The following NADSYN1 variants were observed in gnomAD, a reference collection of about 807,000 sequenced individuals.
NADSYN1 encodes NAD synthetase 1, also known as glutamine-dependent NAD(+) synthetase.
A neutral mutation model predicts 99.3 loss-of-function variants in NADSYN1; 80 were observed. The ratio of observed to expected loss-of-function variants is 0.81; its 90% CI spans 0.67 to 0.97. The LOEUF is 0.97. Among genes scored for constraint, NADSYN1 ranks in the 50% least tolerant of loss-of-function variants. The pLI is 0.00. For synonymous variants in NADSYN1, 385 were observed against 372.1 expected, an observed-to-expected ratio of 1.03 and a Z score of -0.40; for missense variants, 859 against 948.5, an observed-to-expected ratio of 0.91 and a Z score of 1.24.
intron 16 of NADSYN1, among the ~76,000 whole-genome samples, chr11:71,489,771 C>T (rs1949767239): frequency 6.6e-6 from 1 of 152,196 alleles, no homozygotes; most frequent in Non-Finnish European, 1.5e-5. Context: ...GGTGAGAAGG[C>T]ACGGAGGTGT....
Position 71,458,486 on chromosome 11 carries a change from G to C in NADSYN1, c.205G>C (p.Val69Leu), listed in dbSNP as rs774931657. The C allele has an allele frequency of 6.2e-7, 1 of 1,614,050 alleles. No individual in the cohort carries two copies. The highest frequency in any genetic ancestry group is 8.5e-7 in the Non-Finnish European group (1 of 1,179,936). The stretch of plus-strand genomic sequence containing the variant: ...GGACACCCTCTTGCACTCGTTTCAA[G>C]TCCTAGCGGCCCTTGTGGAGTCTCC... Reference protein sequence around the residue: ...ESDTLLHSFQVLAALVESPVT... With the variant: ...ESDTLLHSFQLLAALVESPVT... Residue 69 changes from valine (V) to leucine (L), a missense_variant, in exon 3 of 21, where the codon GTC (valine) becomes CTC (leucine). By Grantham distance (32) the Val-to-Leu change is conservative (BLOSUM62 1). Coordinates refer to ENST00000319023, the MANE Select transcript of NADSYN1 (RefSeq NM_018161.5).
In NADSYN1 at chr11:71,491,853, AC is replaced by A; in HGVS notation, c.1716del (p.Ala573GlnfsTer21). On this transcript the variant is annotated frameshift_variant, in exon 18 of 21. Coordinates refer to ENST00000319023, the MANE Select transcript of NADSYN1 (RefSeq NM_018161.5). LOFTEE classifies it high-confidence loss of function. The stretch of plus-strand genomic sequence containing the variant: ...CTGCAGCATCCTGTTGGCGCCGGCC[AC>A]CGCAGAGCTGGAGCCCTTGGCTGAT... ...ALQSILLAPA[T>X]AELEPLADGQ... The A allele has an allele frequency of 1.9e-6, 3 of 1,614,018 alleles. No individual in the cohort carries two copies. Among genetic ancestry groups the A allele is most frequent in the Non-Finnish European group, 8.5e-7 (1 of 1,180,004 alleles).
intron 9 of NADSYN1, chr11:71,476,222 A>AC: frequency 2.5e-6 from 1 of 403,918 alleles, no homozygotes; most frequent in Non-Finnish European, 5.0e-6. Context: ...TCGTCTTTGG[A>AC]CCCGACGGCC....
At position 71,497,610 on chromosome 11, in the gene NADSYN1, AG is replaced by A. The variant is rs1172326565; in HGVS notation, c.1893+1del. 6.2e-7 allele frequency: 1 copy of A among 1,613,912 alleles called. No homozygotes were observed. The highest frequency in any genetic ancestry group is 8.5e-7 in the Non-Finnish European group (1 of 1,179,978). On this transcript the variant is annotated frameshift_variant and splice_region_variant, in exon 19 of 21. Transcript: ENST00000319023. LOFTEE classifies it high-confidence loss of function. ...TGGAGACACATCTGCACCCCGAGAC[AG>A]GTAAAGCCTGTGAGACGCATCACAG... is the stretch of plus-strand genomic sequence containing the variant. The part of the protein sequence containing the change: ...GMWRHICTPR[Q>X]VADKVKRFFS...
At chr11:71,472,650 C>G in intron 6 of NADSYN1, 150 bp downstream of exon 6, 1 of 739,768 alleles carries the variant, frequency 1.4e-6, no homozygotes, top group African/African-American at 1.7e-5. Context: ...GAGGCAGGTT[C>G]CTATAGTGAG....
At position 71,464,800 on chromosome 11, in the gene NADSYN1, A is replaced by G. The variant is rs1046307324; in HGVS notation, c.407+658A>G. ...GAGAATGGCATGAACCCAGGAGGCAAGAGCTTGCAGTGAGCCGAGATTGCG... is the reference window on the plus strand; with the variant it reads ...GAGAATGGCATGAACCCAGGAGGCAGGAGCTTGCAGTGAGCCGAGATTGCG... On this transcript the variant is annotated intron_variant, in intron 5 of 20. Transcript: ENST00000319023. Among the ~76,000 whole-genome samples the G allele has an allele frequency of 5.7e-3, 847 of 149,884 alleles. 13 individuals carry two copies. The highest frequency in any genetic ancestry group is 0.02 in the African/African-American group (797 of 40,626).
intron 3 of NADSYN1, 52 bp from the exon 4 acceptor site, chr11:71,463,380 T>C (rs1352428736): frequency 4.6e-6 from 7 of 1,518,034 alleles, no homozygotes; most frequent in Non-Finnish European, 6.4e-6. Context: ...CTCCATGTGC[T>C]CTGTGTTTCA....
At chr11:71,483,397 C>A (rs1591132141) in intron 14 of NADSYN1, among the ~76,000 whole-genome samples, 1 of 152,156 alleles carries the variant, frequency 6.6e-6, no homozygotes, top group Non-Finnish European at 1.5e-5. Context: ...ATTCCCAGTG[C>A]AGGCTGCAGG....
At chr11:71,455,947 G>A (rs924323639) in intron 2 of NADSYN1, among the ~76,000 whole-genome samples, 1 of 152,116 alleles carries the variant, frequency 6.6e-6, no homozygotes, top group Non-Finnish European at 1.5e-5. Flanking sequence ...AAACAAAAAT[G>A]AAAACAAAAC....
rs955520202 is a variant in NADSYN1, at chr11:71,476,798, C to T, written c.799-1597C>T. On this transcript the variant is annotated intron_variant, in intron 9 of 20. Coordinates refer to ENST00000319023, the MANE Select transcript of NADSYN1 (RefSeq NM_018161.5). ...GGCAATCAATCACCTGCCCCAGGAC[C>T]CCCGCAGGTTCCCGGCCCCACATCA... 3 of 985,796 alleles carry T rather than the reference C, an allele frequency of 3.0e-6. No homozygotes were observed. The African/African-American group carries it at 5.2e-5, about 17-fold the overall frequency. 61.1% of individuals were successfully genotyped at this position (985,796 alleles called of 1,614,324 possible). A position where few individuals can be genotyped will look rare whatever the true frequency, so the allele number is the denominator to read the frequency against.
At chr11:71,468,702 G>T (rs1432840703) in intron 5 of NADSYN1, among the ~76,000 whole-genome samples, 1 of 152,120 alleles carries the variant, frequency 6.6e-6, no homozygotes, top group Non-Finnish European at 1.5e-5. Context: ...TTGATTAAAA[G>T]ACAGAGGTCA....
At chr11:71,474,373 C>A in intron 8 of NADSYN1, 22 bp from the exon 9 acceptor site, 2 of 1,613,976 alleles carry the variant, frequency 1.2e-6, no homozygotes, top group Non-Finnish European at 1.7e-6. Context: ...GACCACTCCG[C>A]TATGGGGTCC....
Position 71,478,537 on chromosome 11 carries a change from G to A in NADSYN1, c.873+68G>A, listed in dbSNP as rs990173445. On this transcript the variant is annotated intron_variant, in intron 10 of 20. Coordinates refer to ENST00000319023, the MANE Select transcript of NADSYN1 (RefSeq NM_018161.5). ...ACGTGGAAAGTGGCCCCATTCGTGC[G>A]GGCCTGGTGGAGGCCGTGAGGGTGC... is the stretch of plus-strand genomic sequence containing the variant. 4.2e-5 allele frequency: 59 copies of A among 1,412,398 alleles called. No homozygotes were observed. The South Asian group carries it at 5.1e-4, about 12-fold the overall frequency. 87.5% of individuals were successfully genotyped at this position (1,412,398 alleles called of 1,614,324 possible). A position where few individuals can be genotyped will look rare whatever the true frequency, so the allele number is the denominator to read the frequency against.
intron 9 of NADSYN1, 174 bp downstream of exon 9, chr11:71,474,700 G>C: frequency 1.3e-6 from 1 of 758,482 alleles, no homozygotes; most frequent in Middle Eastern, 3.8e-4. Context: ...GGCCCCTGTG[G>C]AGAAGCCCCC....
rs947201988 is a variant in NADSYN1, at chr11:71,501,647, C to T, written c.*295C>T. 6.0e-5 allele frequency: 26 copies of T among 433,612 alleles called. No homozygotes were observed. The highest frequency in any genetic ancestry group is 1.6e-4 in the Admixed American group (4 of 24,588). 26.9% of individuals were successfully genotyped at this position (433,612 alleles called of 1,614,324 possible). On this transcript the variant is annotated 3_prime_UTR_variant, in exon 21 of 21. Transcript: ENST00000319023. ...GCCTGGGTAGGAGGGTTCCAACCGCCGCCCCGTGTGGCATCTTTGCTGCAG... is the reference window on the plus strand; with the variant it reads ...GCCTGGGTAGGAGGGTTCCAACCGCTGCCCCGTGTGGCATCTTTGCTGCAG...
chr11:71,494,514 T>G (rs1949806541), intron 18 of NADSYN1, among the ~76,000 whole-genome samples: 1 of 150,118 alleles, frequency 6.7e-6, no homozygotes, highest in African/African-American at 2.4e-5. Context: ...TGCGCGCCTG[T>G]CTTTCTTGAT....
Position 71,501,371 on chromosome 11 carries a change from G to T in NADSYN1, c.*19G>T, listed in dbSNP as rs1225930397. 5 of 1,593,874 alleles carry T rather than the reference G, an allele frequency of 3.1e-6. No homozygotes were observed. Among genetic ancestry groups the T allele is most frequent in the Non-Finnish European group, 4.3e-6 (5 of 1,170,476 alleles). On this transcript the variant is annotated 3_prime_UTR_variant, in exon 21 of 21. Transcript: ENST00000319023. ...GGACTGAGGCCGGTTCCTTCCTGGA[G>T]GCCTCCTGTCCTCGGGGACCCCAGC...
intron 14 of NADSYN1, among the ~76,000 whole-genome samples, chr11:71,483,586 T>TTCCATCCATAATGGC (rs1227101286): frequency 6.6e-6 from 1 of 152,146 alleles, no homozygotes; most frequent in Non-Finnish European, 1.5e-5. Context: ...ATCTAGAATA[T>TTCCATCCATAATGGC]TCCATCCATA....
Position 71,463,489 on chromosome 11 carries a change from G to T in NADSYN1, c.317+4G>T. ...GCAGAGTGATATTCCTCAACAGGTA[G>T]GCCCCCTGCCCCCACCCCGGGAGGG... is the stretch of plus-strand genomic sequence containing the variant. On this transcript the variant is annotated splice_donor_region_variant and intron_variant, in intron 4 of 20. Transcript: ENST00000319023. The T allele has an allele frequency of 1.2e-6, 2 of 1,613,726 alleles. No individual in the cohort carries two copies. The highest frequency in any genetic ancestry group is 4.5e-5 in the East Asian group (2 of 44,856).
Sources: allele counts gnomAD v4.1 joint callset (sites outside exome capture counted in the v4.1 genomes callset), GRCh38; gene constraint gnomAD v4.1.1; transcripts MANE v1.5; gene names NCBI Gene and HGNC (gene_info 2026-07-23, HGNC 2026-07-21).